The following NTM variants were observed in gnomAD, a reference collection of about 807,000 sequenced individuals.
NTM encodes the protein neurotrimin, also known as IgLON family member 2.
A neutral mutation model predicts 42.1 loss-of-function variants in NTM; 13 were observed. The ratio of observed to expected loss-of-function variants is 0.31; its 90% CI spans 0.20 to 0.49. The LOEUF is 0.49. Ranked by LOEUF, NTM falls within the 20% of genes least tolerant of loss-of-function variation. The pLI, the probability that NTM is intolerant of heterozygous loss-of-function variation, is 0.99. For missense variants in NTM, 373 were observed against 452.8 expected (o/e 0.82, Z 1.60); for synonymous variants, 187 against 179.2 (o/e 1.04, Z -0.35).
chr11:132,319,811 G>C, intron 7 of NTM, among the ~76,000 whole-genome samples: 1 of 152,240 alleles, frequency 6.6e-6, no homozygotes, highest in Non-Finnish European at 1.5e-5. Context: ...AGAACAGGCA[G>C]ACTGCCTCCT....
chr11:132,269,671 A>G (rs1001178771), intron 4 of NTM, among the ~76,000 whole-genome samples: 1 of 152,220 alleles, frequency 6.6e-6, no homozygotes, highest in South Asian at 2.1e-4. Context: ...TCTCTTCATG[A>G]CATGATACTG....
chr11:131,919,764 G>A (rs1366182207), intron 2 of NTM, among the ~76,000 whole-genome samples: 3 of 151,746 alleles, frequency 2.0e-5, no homozygotes, highest in African/African-American at 2.4e-5. Flanking sequence ...ATATGCATGT[G>A]TGCATATATG....
chr11:131,710,676 G>C (rs768561849), intron 1 of NTM, among the ~76,000 whole-genome samples: 53 of 152,146 alleles, frequency 3.5e-4, no homozygotes, highest in Non-Finnish European at 6.6e-4. Context: ...AGACTCTCTG[G>C]TTCCACCCAA....
chr11:132,005,517 A>C (rs910771324), intron 2 of NTM, among the ~76,000 whole-genome samples: 2 of 152,164 alleles, frequency 1.3e-5, no homozygotes, highest in African/African-American at 4.8e-5. Context: ...AAGATGAATG[A>C]ATGAATGTTG....
chr11:131,956,907 A>G (rs2061617318), intron 2 of NTM, among the ~76,000 whole-genome samples: 1 of 152,164 alleles, frequency 6.6e-6, no homozygotes, highest in Non-Finnish European at 1.5e-5. Flanking sequence ...GCTTGGTGCT[A>G]TTAATCAGAT....
chr11:131,636,906 G>T (rs2064471340), intron 1 of NTM, among the ~76,000 whole-genome samples: 1 of 152,280 alleles, frequency 6.6e-6, no homozygotes, highest in Non-Finnish European at 1.5e-5. Flanking sequence ...GTTTTGAGCA[G>T]CAGTGGACTT....
chr11:132,184,410 C>T (rs1433215580), intron 3 of NTM, among the ~76,000 whole-genome samples: 1 of 152,196 alleles, frequency 6.6e-6, no homozygotes, highest in East Asian at 1.9e-4. Flanking sequence ...TCCTACATCT[C>T]ACACCCATGT....
chr11:131,570,929 T>A (rs1193468815), intron 1 of NTM, among the ~76,000 whole-genome samples: 1 of 152,232 alleles, frequency 6.6e-6, no homozygotes, highest in East Asian at 1.9e-4. Flanking sequence ...CATACACCCC[T>A]GGCTCTCCAG....
At chr11:132,278,235 G>A (rs1318298939) in intron 4 of NTM, among the ~76,000 whole-genome samples, 2 of 152,222 alleles carry the variant, frequency 1.3e-5, no homozygotes, top group Non-Finnish European at 2.9e-5. Context: ...GCTTTGCTGT[G>A]TAAACCAATC....
chr11:131,722,081 A>C (rs944837635), intron 1 of NTM, among the ~76,000 whole-genome samples: 1 of 152,106 alleles, frequency 6.6e-6, no homozygotes, highest in African/African-American at 2.4e-5. Flanking sequence ...GGCATAAAGA[A>C]AATAATGCTT....
intron 1 of NTM, among the ~76,000 whole-genome samples, chr11:131,721,996 CAAAAAAAAAA>C (rs71475771): frequency 8.8e-4 from 9 of 10,278 alleles, no homozygotes; most frequent in Admixed American, 4.5e-3. Flanking sequence ...AACTCTGTCT[CAAAAAAAAAA>C]AAAAAAAAAA....
intron 1 of NTM, among the ~76,000 whole-genome samples, chr11:131,512,904 C>T (rs2048439158): frequency 6.6e-6 from 1 of 151,976 alleles, no homozygotes; most frequent in African/African-American, 2.4e-5. Context: ...AGTTTTTCCT[C>T]CCTTGGTCTT....
chr11:131,704,603 G>C (rs2076401575), intron 1 of NTM, among the ~76,000 whole-genome samples: 1 of 151,996 alleles, frequency 6.6e-6, no homozygotes, highest in African/African-American at 2.4e-5. Context: ...CATGACCAAA[G>C]GAACAAAATG....
intron 4 of NTM, chr11:132,284,859 C>T (rs1360338363): frequency 6.6e-6 from 1 of 152,362 alleles, no homozygotes; most frequent in Admixed American, 6.5e-5. Context: ...GCTGCACAGC[C>T]ACGAGGCTGA....
chr11:131,529,776 A>G (rs762236732), intron 1 of NTM, among the ~76,000 whole-genome samples: 2 of 152,170 alleles, frequency 1.3e-5, no homozygotes, highest in Admixed American at 6.5e-5. Flanking sequence ...CCCTGTACCT[A>G]ATGGACTTGA....
At chr11:132,299,904 C>T (rs1037263) in intron 4 of NTM, among the ~76,000 whole-genome samples, 34,687 of 151,670 alleles carry the variant, frequency 0.23, 4,056 homozygotes, top group Middle Eastern at 0.29. Flanking sequence ...TATATATGTA[C>T]GTATATTACA....
chr11:132,105,711 G>A (rs918843107), intron 2 of NTM, among the ~76,000 whole-genome samples: 4 of 152,164 alleles, frequency 2.6e-5, no homozygotes, highest in Non-Finnish European at 5.9e-5. Context: ...GGGGTCCCAG[G>A]CACTTTTCTC....
intron 2 of NTM, among the ~76,000 whole-genome samples, chr11:132,108,006 A>G (rs142154254): frequency 1.3e-5 from 2 of 152,276 alleles, no homozygotes; most frequent in African/African-American, 4.8e-5. Flanking sequence ...ACATATAATG[A>G]TCATTTTGTT....
chr11:131,517,411 G>A (rs1353070365), intron 1 of NTM, among the ~76,000 whole-genome samples: 2 of 152,122 alleles, frequency 1.3e-5, no homozygotes, highest in African/African-American at 4.8e-5. Flanking sequence ...TCAGCACTGA[G>A]TGCATCCCGA....
Sources: gnomAD v4.1 joint callset for allele counts (sites outside exome capture counted in the v4.1 genomes callset) on GRCh38, gnomAD v4.1.1 for gene constraint, MANE v1.5 for transcripts, NCBI Gene and HGNC (gene_info 2026-07-23, HGNC 2026-07-21) for gene names.